The following THSD4 variants were observed in gnomAD, a reference collection of about 807,000 sequenced individuals.
The protein encoded by THSD4 is thrombospondin type 1 domain containing 4, also known as thrombospondin type-1 domain-containing protein 4.
Under a neutral mutation model 119.0 loss-of-function variants are expected in THSD4, and 69 were observed. The ratio of observed to expected loss-of-function variants is 0.58; its 90% CI spans 0.48 to 0.71. The LOEUF (loss-of-function observed/expected upper bound fraction) is 0.71, where lower values mean the gene tolerates loss of function less well. Ranked by LOEUF, THSD4 falls within the 30% of genes least tolerant of loss-of-function variation. The pLI is 0.00. For synonymous variants in THSD4, 524 were observed against 540.4 expected (o/e 0.97, Z 0.42); for missense variants, 1,393 against 1,391.1 (o/e 1.00, Z -0.02).
intron 6 of THSD4, among the ~76,000 whole-genome samples, chr15:71,321,347 C>T: frequency 6.6e-6 from 1 of 152,080 alleles, no homozygotes; most frequent in Non-Finnish European, 1.5e-5. Context: ...ACCAGCCTGG[C>T]CAACATGGTA....
At chr15:71,333,417 A>G (rs922865990) in intron 6 of THSD4, among the ~76,000 whole-genome samples, 2 of 152,154 alleles carry the variant, frequency 1.3e-5, no homozygotes, top group Non-Finnish European at 2.9e-5. Flanking sequence ...ACAGATGTCT[A>G]TTCTAGTTTC....
At chr15:71,358,592 C>T (rs936733249) in intron 6 of THSD4, among the ~76,000 whole-genome samples, 2 of 152,208 alleles carry the variant, frequency 1.3e-5, no homozygotes, top group Non-Finnish European at 2.9e-5. Flanking sequence ...GGACAAGACT[C>T]CACTTCACTG....
At position 71,737,821 on chromosome 15, in the gene THSD4, C is replaced by T. The variant is rs767052532; in HGVS notation, c.1720C>T (p.Arg574Cys). The change falls in exon 11 of 18, where the codon CGT (arginine) becomes TGT (cysteine). Residue 574 changes from arginine to cysteine, a missense_variant. Coordinates refer to ENST00000261862, the MANE Select transcript of THSD4 (RefSeq NM_024817.3). ...GAGGAACGAGGAGAAGGAAGACTTGCGTGGGGAGGCCCCTGAGATGTTCAC... is the reference window on the plus strand; with the variant it reads ...GAGGAACGAGGAGAAGGAAGACTTGTGTGGGGAGGCCCCTGAGATGTTCAC... ...KGRNEEKEDLRGEAPEMFTSE... is the reference protein window; with the variant it reads ...KGRNEEKEDLCGEAPEMFTSE... 9.9e-6 allele frequency: 16 copies of T among 1,614,240 alleles called. No individual in the cohort carries two copies. The highest frequency in any genetic ancestry group is 5.5e-5 in the South Asian group (5 of 91,080).
intron 7 of THSD4, among the ~76,000 whole-genome samples, chr15:71,504,315 G>A (rs1451009310): frequency 6.6e-6 from 1 of 152,212 alleles, no homozygotes; most frequent in Non-Finnish European, 1.5e-5. Context: ...ATGAATGAAT[G>A]TGTGCATGTG....
chr15:71,721,871 G>A (rs1182491307), intron 8 of THSD4, among the ~76,000 whole-genome samples: 1 of 151,674 alleles, frequency 6.6e-6, no homozygotes, highest in African/African-American at 2.4e-5. Context: ...CAGCACTTGG[G>A]GAGGCCAAGG....
chr15:71,683,334 A>G lies in THSD4; in HGVS notation c.1357+22600A>G, dbSNP rs79221225. On this transcript the variant is annotated intron_variant, in intron 8 of 17. Coordinates refer to ENST00000261862, the MANE Select transcript of THSD4 (RefSeq NM_024817.3). ...AAAATCCTATGGGTGTTTGCACGCA[A>G]TTATGTTAAATTCATTCAATAAACA... Among the ~76,000 whole-genome samples the G allele has an allele frequency of 5.5e-3, 836 of 152,232 alleles. 9 individuals carry two copies. The highest frequency in any genetic ancestry group is 0.018 in the African/African-American group (750 of 41,546).
At chr15:71,125,205 T>C (rs1409682679) in intron 1 of THSD4, among the ~76,000 whole-genome samples, 1 of 152,202 alleles carries the variant, frequency 6.6e-6, no homozygotes, top group Non-Finnish European at 1.5e-5. Context: ...CACTGGTTTA[T>C]TATTGTGTAC....
At position 71,682,870 on chromosome 15, in the gene THSD4, T is replaced by C. The variant is rs953817844; in HGVS notation, c.1357+22136T>C. Among the ~76,000 whole-genome samples, 4 of 19,236 alleles carry C rather than the reference T, an allele frequency of 2.1e-4. 1 individual carries two copies. Among genetic ancestry groups the C allele is most frequent in the African/African-American group, 2.8e-4 (2 of 7,250 alleles). The allele number at this position is 19,236 out of a possible 152,430, so 12.6% of individuals were successfully genotyped here. A position where few individuals can be genotyped will look rare whatever the true frequency, so the allele number is the denominator to read the frequency against. On this transcript the variant is annotated intron_variant, in intron 8 of 17. Transcript: ENST00000261862. ...CTCTTTTGCTACTTTCTTTCTTTCTTTCTTTCTTTCTTTCTTTCTTTCTTT... is the reference window on the plus strand; with the variant it reads ...CTCTTTTGCTACTTTCTTTCTTTCTCTCTTTCTTTCTTTCTTTCTTTCTTT...
At chr15:71,246,847 C>G (rs2044205662) in intron 5 of THSD4, among the ~76,000 whole-genome samples, 1 of 150,204 alleles carries the variant, frequency 6.7e-6, no homozygotes, top group Admixed American at 6.6e-5. Context: ...CTCCTTCAGA[C>G]TGTATGTGAT....
At chr15:71,236,712 T>C (rs1373617025) in intron 4 of THSD4, among the ~76,000 whole-genome samples, 2 of 152,166 alleles carry the variant, frequency 1.3e-5, no homozygotes, top group African/African-American at 4.8e-5. Context: ...TAGTAGGCTA[T>C]AGGGATATAA....
chr15:71,137,754 T>C (rs978694570), intron 1 of THSD4, among the ~76,000 whole-genome samples: 1 of 152,194 alleles, frequency 6.6e-6, no homozygotes, highest in Non-Finnish European at 1.5e-5. Context: ...CAATCAAATC[T>C]GATAAGAAGT....
At chr15:71,161,741 A>C (rs958942715) in intron 3 of THSD4, among the ~76,000 whole-genome samples, 20 of 151,872 alleles carry the variant, frequency 1.3e-4, no homozygotes, top group Middle Eastern at 3.4e-3. Context: ...ATCCATTTAC[A>C]TTCAAGGTTG....
chr15:71,334,089 A>G (rs1182782551), intron 6 of THSD4, among the ~76,000 whole-genome samples: 1 of 152,232 alleles, frequency 6.6e-6, no homozygotes. Context: ...TTTAAGGTTT[A>G]GGATTCACAT....
At chr15:71,534,746 A>C (rs1157980402) in intron 7 of THSD4, among the ~76,000 whole-genome samples, 1 of 152,216 alleles carries the variant, frequency 6.6e-6, no homozygotes, top group African/African-American at 2.4e-5. Flanking sequence ...TGGTAGGCCA[A>C]GGCGGGCGGA....
At chr15:71,511,780 T>G (rs538216525) in intron 7 of THSD4, among the ~76,000 whole-genome samples, 1 of 152,338 alleles carries the variant, frequency 6.6e-6, no homozygotes, top group African/African-American at 2.4e-5. Flanking sequence ...GGGCTCCTCC[T>G]GGCGCACTGC....
intron 7 of THSD4, among the ~76,000 whole-genome samples, chr15:71,645,986 A>G (rs983962234): frequency 6.6e-6 from 1 of 152,190 alleles, no homozygotes; most frequent in Non-Finnish European, 1.5e-5. Context: ...ACTTGCTGGC[A>G]TCTGCTATTC....
At chr15:71,252,258 G>A (rs2044267284) in intron 5 of THSD4, among the ~76,000 whole-genome samples, 1 of 152,190 alleles carries the variant, frequency 6.6e-6, no homozygotes. Flanking sequence ...ATAAGGTGAA[G>A]GTGACTCAGT....
chr15:71,211,124 G>A (rs574884796), intron 3 of THSD4, among the ~76,000 whole-genome samples: 1 of 152,256 alleles, frequency 6.6e-6, no homozygotes, highest in Non-Finnish European at 1.5e-5. Flanking sequence ...TGCCATATCA[G>A]TATTGTCAAA....
chr15:71,623,429 C>T (rs1163841019), intron 7 of THSD4, among the ~76,000 whole-genome samples: 2 of 152,162 alleles, frequency 1.3e-5, no homozygotes, highest in Admixed American at 6.5e-5. Context: ...AAAAGTATTT[C>T]CCGTAAGTAA....
Sources: allele counts gnomAD v4.1 joint callset (sites outside exome capture counted in the v4.1 genomes callset), GRCh38; gene constraint gnomAD v4.1.1; transcripts MANE v1.5; gene names NCBI Gene and HGNC (gene_info 2026-07-23, HGNC 2026-07-21).